Variants in ASIC2 observed in about 807,000 individuals in gnomAD.
ASIC2 encodes acid sensing ion channel subunit 2.
Under a neutral mutation model 57.3 loss-of-function variants are expected in ASIC2, and 25 were observed. The observed-to-expected ratio is 0.44, with a 90% CI of 0.32 to 0.61. ASIC2 has a LOEUF of 0.61. ASIC2 is among the 20% of genes least tolerant of loss of function. The pLI is 0.06. For synonymous variants in ASIC2, 319 were observed against 307.5 expected (o/e 1.04, Z -0.39); for missense variants, 641 against 738.1 (o/e 0.87, Z 1.52).
intron 1 of ASIC2, among the ~76,000 whole-genome samples, chr17:34,059,140 G>T (rs769056535): frequency 1.3e-5 from 2 of 152,204 alleles, no homozygotes; most frequent in African/African-American, 4.8e-5. Context: ...GAAGTGGACT[G>T]CTCCTGCAGG....
Position 33,292,687 on chromosome 17 carries a change from C to A in ASIC2, c.-572G>T. On this transcript the variant is annotated 5_prime_UTR_variant, in exon 1 of 10. Transcript: ENST00000225823. ...CAAGGAACGAGCGCCCCCAGAGGCG[C>A]ACCGCGGCTCCTGGCTGGGCGGGCG... is the stretch of plus-strand genomic sequence containing the variant. 4 of 985,618 alleles carry A rather than the reference C, an allele frequency of 4.1e-6. No homozygotes were observed. Among genetic ancestry groups the A allele is most frequent in the Non-Finnish European group, 4.8e-6 (4 of 830,080 alleles). 61.1% of individuals were successfully genotyped at this position (985,618 alleles called of 1,614,324 possible). A position where few individuals can be genotyped will look rare whatever the true frequency, so the allele number is the denominator to read the frequency against.
chr17:33,811,415 C>T (rs749816575), intron 1 of ASIC2, among the ~76,000 whole-genome samples: 7 of 152,242 alleles, frequency 4.6e-5, no homozygotes, highest in African/African-American at 7.2e-5. Context: ...CATATCCCTC[C>T]ATGTGCTGGA....
At chr17:33,303,915 G>A (rs913857159) in intron 1 of ASIC2, among the ~76,000 whole-genome samples, 7 of 152,208 alleles carry the variant, frequency 4.6e-5, no homozygotes, top group Non-Finnish European at 1.0e-4. Flanking sequence ...ACATTGGTAA[G>A]TAATAAGAGC....
At chr17:33,185,263 T>C (rs1325412870) in intron 1 of ASIC2, among the ~76,000 whole-genome samples, 1 of 152,230 alleles carries the variant, frequency 6.6e-6, no homozygotes, top group Non-Finnish European at 1.5e-5. Flanking sequence ...ATTTCCTTTA[T>C]GACATGCTAT....
intron 1 of ASIC2, among the ~76,000 whole-genome samples, chr17:33,359,713 C>A (rs562500309): frequency 6.6e-6 from 1 of 152,290 alleles, no homozygotes; most frequent in Admixed American, 6.5e-5. Flanking sequence ...CCTTAAAGGG[C>A]ACTAACTTAA....
At chr17:34,034,295 T>C (rs974232202) in intron 1 of ASIC2, among the ~76,000 whole-genome samples, 1 of 152,168 alleles carries the variant, frequency 6.6e-6, no homozygotes, top group Non-Finnish European at 1.5e-5. Flanking sequence ...GAAAAAGCCT[T>C]TGACAAAATT....
chr17:33,277,383 C>T (rs535742498), intron 1 of ASIC2, among the ~76,000 whole-genome samples: 6 of 152,184 alleles, frequency 3.9e-5, no homozygotes, highest in Admixed American at 1.3e-4. Context: ...TGGGTAACCT[C>T]GGGCAAGTCA....
chr17:33,044,603 C>T (rs1451513394), intron 3 of ASIC2, among the ~76,000 whole-genome samples: 2 of 152,210 alleles, frequency 1.3e-5, no homozygotes, highest in Non-Finnish European at 2.9e-5. Flanking sequence ...CTCAAATGAT[C>T]TGTCTGCTTT....
At chr17:33,538,390 A>G (rs780966701) in intron 1 of ASIC2, among the ~76,000 whole-genome samples, 20 of 152,212 alleles carry the variant, frequency 1.3e-4, no homozygotes, top group Non-Finnish European at 2.1e-4. Flanking sequence ...CTCATTCCCC[A>G]TGGCATCCAC....
intron 1 of ASIC2, chr17:34,004,669 C>T (rs1387046162): frequency 6.6e-6 from 1 of 152,140 alleles, no homozygotes; most frequent in Non-Finnish European, 1.5e-5. Flanking sequence ...AGAACAATAC[C>T]TACCACATAT....
chr17:33,685,035 C>T (rs1358239561), intron 1 of ASIC2, among the ~76,000 whole-genome samples: 3 of 152,182 alleles, frequency 2.0e-5, no homozygotes, highest in Non-Finnish European at 4.4e-5. Flanking sequence ...TATCCCAGCA[C>T]CATGGCAAGC....
intron 1 of ASIC2, among the ~76,000 whole-genome samples, chr17:33,600,088 A>T (rs1357100241): frequency 6.6e-6 from 1 of 152,176 alleles, no homozygotes; most frequent in Non-Finnish European, 1.5e-5. Flanking sequence ...ACTGCCTGTC[A>T]TCTTGTCTCT....
intron 1 of ASIC2, among the ~76,000 whole-genome samples, chr17:33,491,446 T>C (rs1173765170): frequency 6.6e-6 from 1 of 152,190 alleles, no homozygotes; most frequent in Non-Finnish European, 1.5e-5. Context: ...TTTCCATACA[T>C]TGGCTTCTGA....
At chr17:33,451,471 G>A (rs1912246506) in intron 1 of ASIC2, among the ~76,000 whole-genome samples, 1 of 151,890 alleles carries the variant, frequency 6.6e-6, no homozygotes, top group Non-Finnish European at 1.5e-5. Flanking sequence ...TCTTTTCCAG[G>A]CTCCCCATCT....
At chr17:33,591,907 G>A (rs981576830) in intron 1 of ASIC2, among the ~76,000 whole-genome samples, 1 of 152,140 alleles carries the variant, frequency 6.6e-6, no homozygotes, top group Non-Finnish European at 1.5e-5. Flanking sequence ...CCTCATCTCA[G>A]GGTCTGTTCC....
chr17:33,885,322 C>T (rs774637019), intron 1 of ASIC2, among the ~76,000 whole-genome samples: 4 of 152,124 alleles, frequency 2.6e-5, no homozygotes, highest in Non-Finnish European at 5.9e-5. Flanking sequence ...ATAGGATTTT[C>T]GAGGGGACTA....
chr17:33,023,077 C>CA, intron 6 of ASIC2, among the ~76,000 whole-genome samples: 1 of 152,178 alleles, frequency 6.6e-6, no homozygotes, highest in African/African-American at 2.4e-5. Flanking sequence ...CTGGAGATGA[C>CA]ATTTAAATGG....
rs546046243 is a variant in ASIC2, at chr17:34,080,637, A to G, written c.555+75341T>C. ...TCTAAAGTAGGCTAGGTGAAGGGAG[A>G]GTCTTGCCTCATGGGAGGCAGAAGG... On this transcript the variant is annotated intron_variant, in intron 1 of 9. Transcript: ENST00000359872. 3.9e-5 allele frequency among the ~76,000 whole-genome samples: 6 copies of G among 152,304 alleles called. No individual in the cohort carries two copies. The East Asian group carries it at 1.2e-3, about 29-fold the overall frequency.
At chr17:33,203,686 A>G (rs986185992) in intron 1 of ASIC2, among the ~76,000 whole-genome samples, 5 of 151,782 alleles carry the variant, frequency 3.3e-5, no homozygotes, top group African/African-American at 1.2e-4. Flanking sequence ...CTCTACCTTT[A>G]TTATTTTTCT....
Sources: gnomAD v4.1 joint callset for allele counts (sites outside exome capture counted in the v4.1 genomes callset) on GRCh38, gnomAD v4.1.1 for gene constraint, MANE v1.5 for transcripts, NCBI Gene and HGNC (gene_info 2026-07-23, HGNC 2026-07-21) for gene names.